ELAVL1: variants seen among roughly 807,000 people sequenced by gnomAD.
The protein encoded by ELAVL1 is ELAV-like protein 1.
In ELAVL1, 1 loss-of-function variant was observed where a neutral mutation model predicts 28.4. That is an observed-to-expected ratio of 0.04 (90% CI 0.01 to 0.17). The LOEUF is 0.17. Among genes scored for constraint, ELAVL1 ranks in the 10% least tolerant of loss-of-function variants. The probability of loss-of-function intolerance (pLI) is 1.00; values close to 1 mark genes in which losing one functional copy is unlikely to be tolerated. For missense variants in ELAVL1, 157 were observed against 447.2 expected, an observed-to-expected ratio of 0.35 and a Z score of 5.85; for synonymous variants, 174 against 183.5, an observed-to-expected ratio of 0.95 and a Z score of 0.42.
intron 1 of ELAVL1, among the ~76,000 whole-genome samples, chr19:7,993,695 C>G (rs1352820840): frequency 6.6e-6 from 1 of 151,864 alleles, no homozygotes; most frequent in Non-Finnish European, 1.5e-5. Context: ...GTAGTCATCC[C>G]TGTGGATGGC....
intron 1 of ELAVL1, among the ~76,000 whole-genome samples, chr19:8,003,466 G>A (rs1306157204): frequency 6.6e-6 from 1 of 151,110 alleles, no homozygotes; most frequent in African/African-American, 2.4e-5. Flanking sequence ...GCCGAGGCGG[G>A]CGGATCACAA....
chr19:7,991,932 CTTT>C (rs398033838), intron 1 of ELAVL1, 101 bp from the exon 2 acceptor site: 554 of 646,340 alleles, frequency 8.6e-4, no homozygotes, highest in East Asian at 1.1e-3. Flanking sequence ...TTCTTTCTTT[CTTT>C]TTTTTTTTTT....
chr19:7,986,272 A>G (rs1184519768), intron 2 of ELAVL1, among the ~76,000 whole-genome samples: 1 of 152,244 alleles, frequency 6.6e-6, no homozygotes, highest in African/African-American at 2.4e-5. Context: ...TTAAAGGCTC[A>G]AGGGAAGACC....
chr19:7,967,527 A>G, intron 5 of ELAVL1, 38 bp downstream of exon 5: 1 of 1,601,544 alleles, frequency 6.2e-7, no homozygotes, highest in Non-Finnish European at 8.5e-7. Context: ...CAGCGGGGCT[A>G]AGTATGGCTT....
chr19:7,969,219 T>C (rs1226936186), intron 4 of ELAVL1, among the ~76,000 whole-genome samples: 2 of 152,162 alleles, frequency 1.3e-5, no homozygotes, highest in Non-Finnish European at 2.9e-5. Flanking sequence ...AAAGAAAGAC[T>C]TCCAGTCAAA....
intron 2 of ELAVL1, 34 bp downstream of exon 2, chr19:7,991,609 AT>A (rs1333372133): frequency 6.3e-7 from 1 of 1,591,280 alleles, no homozygotes; most frequent in Non-Finnish European, 8.6e-7. Flanking sequence ...ATGGCCACCA[AT>A]ACCCGGTTTA....
chr19:8,001,938 C>A (rs553361583), intron 1 of ELAVL1: 3 of 780,094 alleles, frequency 3.8e-6, no homozygotes, highest in South Asian at 1.5e-5. Flanking sequence ...TCAGCCATTA[C>A]GGGGCCACCT....
intron 1 of ELAVL1, among the ~76,000 whole-genome samples, chr19:8,003,978 G>C (rs1290042231): frequency 2.6e-5 from 4 of 152,182 alleles, no homozygotes; most frequent in Non-Finnish European, 5.9e-5. Context: ...TAAGGGTTTT[G>C]AATCAGAGGG....
chr19:7,985,798 G>A (rs1054798964), intron 2 of ELAVL1, among the ~76,000 whole-genome samples: 6 of 152,250 alleles, frequency 3.9e-5, no homozygotes, highest in South Asian at 4.1e-4. Flanking sequence ...GGCTGTCCCA[G>A]AGGCCAGTGC....
intron 3 of ELAVL1, 53 bp from the exon 4 acceptor site, chr19:7,973,931 TGAG>T (rs1985198581): frequency 6.3e-7 from 1 of 1,597,570 alleles, no homozygotes; most frequent in Non-Finnish European, 8.6e-7. Flanking sequence ...GCCAAAGCAT[TGAG>T]GAGGGTGTTG....
chr19:7,991,480 A>G (rs1431842860), intron 2 of ELAVL1, among the ~76,000 whole-genome samples, 164 bp downstream of exon 2: 2 of 152,228 alleles, frequency 1.3e-5, no homozygotes, highest in African/African-American at 4.8e-5. Flanking sequence ...ATCTTATACA[A>G]GAGCAATGGA....
chr19:7,992,589 G>T (rs549113529), intron 1 of ELAVL1, among the ~76,000 whole-genome samples: 19 of 152,172 alleles, frequency 1.2e-4, no homozygotes, highest in East Asian at 1.9e-4. Context: ...AGGTCGGCGT[G>T]GGGGGGACAA....
intron 3 of ELAVL1, among the ~76,000 whole-genome samples, chr19:7,976,185 G>A (rs906139704): frequency 5.5e-4 from 84 of 151,380 alleles, no homozygotes; most frequent in African/African-American, 1.8e-3. Context: ...GGTGGATCAC[G>A]AGGTCAGGAG....
chr19:7,965,123 C>A (rs193222910), intron 5 of ELAVL1, among the ~76,000 whole-genome samples: 1 of 152,256 alleles, frequency 6.6e-6, no homozygotes, highest in Non-Finnish European at 1.5e-5. Flanking sequence ...GAGGGTCTCA[C>A]TATGTTGTCC....
chr19:7,968,290 C>T (rs1039363321), intron 4 of ELAVL1, among the ~76,000 whole-genome samples: 4 of 152,272 alleles, frequency 2.6e-5, no homozygotes, highest in Middle Eastern at 3.4e-3. Context: ...GCCTCGTGGC[C>T]GAGCCTGCTG....
chr19:7,971,655 G>A (rs937373425), intron 4 of ELAVL1, among the ~76,000 whole-genome samples: 3 of 152,360 alleles, frequency 2.0e-5, no homozygotes, highest in South Asian at 4.1e-4. Flanking sequence ...GGCGGCGGCC[G>A]TGCGAGTGAG....
In ELAVL1 at chr19:7,962,329, A is replaced by G. The variant is rs1984834070; in HGVS notation, c.*1154T>C. On this transcript the variant is annotated 3_prime_UTR_variant, in exon 6 of 6. Transcript: ENST00000407627. ...TTAAATGCAAAAGTAAAAACAAACAAAAAACACAAAAAAGCAAAAGAAAAT... is the reference window on the plus strand; with the variant it reads ...TTAAATGCAAAAGTAAAAACAAACAGAAAACACAAAAAAGCAAAAGAAAAT... The G allele has an allele frequency of 6.5e-6, 1 of 153,612 alleles. No homozygotes were observed. The highest frequency in any genetic ancestry group is 1.5e-5 in the Non-Finnish European group (1 of 68,052). The allele number at this position is 153,612 out of a possible 1,614,324, so 9.5% of individuals were successfully genotyped here. A position where few individuals can be genotyped will look rare whatever the true frequency, so the allele number is the denominator to read the frequency against.
chr19:7,996,637 C>T (rs1175698040), intron 1 of ELAVL1, among the ~76,000 whole-genome samples: 1 of 151,814 alleles, frequency 6.6e-6, no homozygotes, highest in Non-Finnish European at 1.5e-5. Flanking sequence ...GAAACCCCAT[C>T]TCTACAAAAA....
At chr19:7,965,176 C>G (rs773156009) in intron 5 of ELAVL1, among the ~76,000 whole-genome samples, 1 of 152,194 alleles carries the variant, frequency 6.6e-6, no homozygotes, top group African/African-American at 2.4e-5. Context: ...CCTCCTGCCT[C>G]CTGAGCAGCT....
Sources: allele counts gnomAD v4.1 joint callset (sites outside exome capture counted in the v4.1 genomes callset), GRCh38; gene constraint gnomAD v4.1.1; transcripts MANE v1.5; gene names NCBI Gene and HGNC (gene_info 2026-07-23, HGNC 2026-07-21).